The following BAHCC1 variants were observed in gnomAD, a reference collection of about 807,000 sequenced individuals.
BAHCC1 encodes the protein BAH and coiled-coil domain-containing protein 1.
In BAHCC1, 43 loss-of-function variants were observed where a neutral mutation model predicts 88.2. The observed-to-expected ratio is 0.49, with a 90% CI of 0.38 to 0.63. BAHCC1 has a LOEUF of 0.63. Among genes scored for constraint, BAHCC1 ranks in the 20% least tolerant of loss-of-function variants. The pLI, the probability that BAHCC1 is intolerant of heterozygous loss-of-function variation, is 0.00. For missense variants in BAHCC1, 3,023 were observed against 1,654.8 expected, an observed-to-expected ratio of 1.83 and a Z score of -14.34; for synonymous variants, 1,510 against 745.5, an observed-to-expected ratio of 2.03 and a Z score of -16.71.
At chr17:81,449,568 A>G (rs1212476483) in intron 11 of BAHCC1, among the ~76,000 whole-genome samples, 1 of 152,186 alleles carries the variant, frequency 6.6e-6, no homozygotes, top group Admixed American at 6.5e-5. Context: ...GGGGAGGCAC[A>G]GAGGGGCTTC....
chr17:81,399,767 C>G lies in BAHCC1; in HGVS notation c.28C>G (p.Pro10Ala). 8.3e-7 allele frequency: 1 copy of G among 1,210,122 alleles called. No homozygotes were observed. The highest frequency in any genetic ancestry group is 1.0e-6 in the Non-Finnish European group (1 of 974,134). 75.0% of individuals were successfully genotyped at this position (1,210,122 alleles called of 1,614,324 possible). The change falls in exon 2 of 28, where the codon CCG becomes GCG. Residue 10 changes from proline (P) to alanine (A), a missense_variant. Pro to Ala is a conservative substitution (Grantham distance 27, BLOSUM62 -1). Transcript: ENST00000675386. This position sits in a 1 kb window ranked among gnomAD's most constrained non-coding sequence, Gnocchi z 4.5. The part of the protein sequence containing the change: MDGRDFAPP[P>A]HLLSERGSLG... ...GGATGGCCGCGACTTTGCGCCGCCGCCGCATCTGCTGTCGGAGCGCGGGAG... is the reference window on the plus strand; with the variant it reads ...GGATGGCCGCGACTTTGCGCCGCCGGCGCATCTGCTGTCGGAGCGCGGGAG...
At chr17:81,406,750 G>A (rs560166464) in intron 2 of BAHCC1, among the ~76,000 whole-genome samples, 8 of 152,348 alleles carry the variant, frequency 5.3e-5, no homozygotes, top group Admixed American at 2.6e-4. Context: ...CTAGGTGTGC[G>A]CTGAGGGGAT....
In BAHCC1 at chr17:81,442,417, C is replaced by T. The variant is rs1361412717; in HGVS notation, c.1068C>T (p.Pro356=). The T allele has an allele frequency of 4.3e-6, 3 of 702,032 alleles. No individual in the cohort carries two copies. Among genetic ancestry groups the T allele is most frequent in the East Asian group, 5.4e-5 (2 of 37,212 alleles). 43.5% of individuals were successfully genotyped at this position (702,032 alleles called of 1,614,324 possible). ...CATCCTACGCCGGGCCACCCCCGCC[C>T]CTCAGCACAGCCGCCGGCTCCTTCC... ...HTASYAGPPP[P]LSTAAGSFPC... The change falls in exon 5 of 28, where the codon CCC becomes CCT. Residue 356 remains proline (P), a synonymous_variant. Coordinates refer to ENST00000675386, the MANE Select transcript of BAHCC1 (RefSeq NM_001377448.1).
chr17:81,463,447 G>A (rs1384100303), intron 27 of BAHCC1, among the ~76,000 whole-genome samples, 164 bp from the exon 28 acceptor site: 1 of 152,186 alleles, frequency 6.6e-6, no homozygotes, highest in East Asian at 1.9e-4. Flanking sequence ...AGACAGGGCT[G>A]CCTGGACCTG....
intron 2 of BAHCC1, chr17:81,421,873 C>G (rs543797960): frequency 1.5e-5 from 5 of 329,414 alleles, no homozygotes; most frequent in Non-Finnish European, 3.1e-5. Context: ...CGCAGGATGC[C>G]TGGGCACGGA....
chr17:81,417,711 G>C (rs932095957), intron 2 of BAHCC1, among the ~76,000 whole-genome samples: 1 of 152,228 alleles, frequency 6.6e-6, no homozygotes, highest in African/African-American at 2.4e-5. Context: ...TGATTGGGTT[G>C]GGTACACAGC....
chr17:81,433,998 C>T (rs1555651362), intron 3 of BAHCC1, among the ~76,000 whole-genome samples: 1 of 152,156 alleles, frequency 6.6e-6, no homozygotes, highest in Non-Finnish European at 1.5e-5. Flanking sequence ...ACGGCAGGGA[C>T]GTCCTGCGTG....
chr17:81,399,508 T>C lies in BAHCC1; in HGVS notation c.-206-26T>C. 3.2e-6 allele frequency: 1 copy of C among 313,784 alleles called. No homozygotes were observed. The highest frequency in any genetic ancestry group is 6.5e-6 in the Non-Finnish European group (1 of 153,802). 19.4% of individuals were successfully genotyped at this position (313,784 alleles called of 1,614,324 possible). A position where few individuals can be genotyped will look rare whatever the true frequency, so the allele number is the denominator to read the frequency against. ...GCGAGCCGAGCCCCCCAGTCACCCG[T>C]GTCTCCTCTGCTTTTGCCTCCACAG... On this transcript the variant is annotated intron_variant, in intron 1 of 27. Transcript: ENST00000675386. The surrounding 1 kb of genome is among the most constrained non-coding windows in gnomAD (Gnocchi z 4.5).
At chr17:81,398,126 C>G (rs1483362146) in intron 1 of BAHCC1, among the ~76,000 whole-genome samples, 1 of 152,184 alleles carries the variant, frequency 6.6e-6, no homozygotes, top group African/African-American at 2.4e-5. Context: ...TTAGGAATAT[C>G]AAGCCTATCC....
chr17:81,452,700 A>C, intron 13 of BAHCC1, 23 bp from the exon 14 acceptor site: 1 of 739,304 alleles, frequency 1.4e-6, no homozygotes, highest in Non-Finnish European at 2.5e-6. Context: ...TGAGCCTCTG[A>C]CCATCCCCCC....
At chr17:81,453,005 G>C (rs781913472) in intron 14 of BAHCC1, among the ~76,000 whole-genome samples, 154 bp downstream of exon 14, 1 of 152,070 alleles carries the variant, frequency 6.6e-6, no homozygotes, top group Admixed American at 6.5e-5. Context: ...CTAGACCATC[G>C]AGAGTGACCA....
chr17:81,399,214 C>T lies in BAHCC1; in HGVS notation c.-206-320C>T, dbSNP rs2063779839. ...TATCACCCAGCAGAGCCAGCAGCCT[C>T]TTCGCCGCGGCGCCCTAGCTGCAGG... On this transcript the variant is annotated intron_variant, in intron 1 of 27. Transcript: ENST00000675386. This position sits in a 1 kb window ranked among gnomAD's most constrained non-coding sequence, Gnocchi z 4.5. 2.3e-6 allele frequency: 1 copy of T among 426,020 alleles called. No homozygotes were observed. The highest frequency in any genetic ancestry group is 1.6e-5 in the South Asian group (1 of 62,360). The allele number at this position is 426,020 out of a possible 1,614,324, so 26.4% of individuals were successfully genotyped here. A position where few individuals can be genotyped will look rare whatever the true frequency, so the allele number is the denominator to read the frequency against.
At position 81,462,545 on chromosome 17, in the gene BAHCC1, G is replaced by A. The variant is rs529302920; in HGVS notation, c.7384-195G>A. On this transcript the variant is annotated intron_variant, in intron 26 of 27. Transcript: ENST00000675386. ...TTCCATGTGCGGGCTCCGTGGAGGC[G>A]TGGCCCCTGCTCCAGATCCATGGCT... The A allele has an allele frequency of 1.1e-4, 65 of 578,790 alleles. 1 individual carries two copies. The highest frequency in any genetic ancestry group is 7.1e-4 in the African/African-American group (38 of 53,590). The allele number at this position is 578,790 out of a possible 1,614,324, so 35.9% of individuals were successfully genotyped here.
At chr17:81,428,355 C>T (rs2064223842) in intron 3 of BAHCC1, among the ~76,000 whole-genome samples, 1 of 152,198 alleles carries the variant, frequency 6.6e-6, no homozygotes, top group African/African-American at 2.4e-5. Context: ...GGAGGGTGGC[C>T]TGGCACCGGG....
chr17:81,407,966 A>G (rs1002728953), intron 2 of BAHCC1, among the ~76,000 whole-genome samples: 10 of 152,060 alleles, frequency 6.6e-5, no homozygotes, highest in African/African-American at 2.4e-4. Flanking sequence ...GTCCTCCCCA[A>G]CTGCTCCATC....
chr17:81,443,020 G>A lies in BAHCC1; in HGVS notation c.1671G>A (p.Gln557=). ...QQHLMAAEVE[Q]GGIGAEAKRK... ...ACTTGATGGCCGCCGAGGTGGAGCA[G>A]GGGGGCATTGGGGCTGAGGCCAAGC... Residue 557 remains glutamine (Q), a synonymous_variant, in exon 5 of 28, where the codon CAG becomes CAA. Coordinates refer to ENST00000675386, the MANE Select transcript of BAHCC1 (RefSeq NM_001377448.1). 1.3e-6 allele frequency: 1 copy of A among 778,352 alleles called. No homozygotes were observed. Among genetic ancestry groups the A allele is most frequent in the Middle Eastern group, 2.3e-4 (1 of 4,438 alleles). The allele number at this position is 778,352 out of a possible 1,614,324, so 48.2% of individuals were successfully genotyped here. A position where few individuals can be genotyped will look rare whatever the true frequency, so the allele number is the denominator to read the frequency against.
chr17:81,459,710 C>A, intron 23 of BAHCC1, 106 bp downstream of exon 23: 1 of 676,020 alleles, frequency 1.5e-6, no homozygotes, highest in Non-Finnish European at 2.8e-6. Context: ...GCAGAACCAG[C>A]TCTCTGCTTA....
chr17:81,440,783 G>T (rs1309223672), intron 4 of BAHCC1, among the ~76,000 whole-genome samples: 1 of 152,218 alleles, frequency 6.6e-6, no homozygotes, highest in Non-Finnish European at 1.5e-5. Context: ...GGTGAGCACA[G>T]CTGCTGCTCT....
intron 3 of BAHCC1, among the ~76,000 whole-genome samples, chr17:81,430,018 C>A (rs1423972411): frequency 6.6e-6 from 1 of 152,236 alleles, no homozygotes; most frequent in Non-Finnish European, 1.5e-5. Context: ...CTCCTCCCGG[C>A]CCGCAGCTTA....
Sources: allele counts gnomAD v4.1 joint callset (sites outside exome capture counted in the v4.1 genomes callset), GRCh38; gene constraint gnomAD v4.1.1; non-coding constraint Gnocchi (gnomAD v3.1); transcripts MANE v1.5; gene names NCBI Gene and HGNC (gene_info 2026-07-23, HGNC 2026-07-21).